SCN1A: variants seen among roughly 807,000 people sequenced by gnomAD.
SCN1A encodes sodium voltage-gated channel alpha subunit 1.
A neutral mutation model predicts 193.7 loss-of-function variants in SCN1A; 13 were observed. The ratio of observed to expected loss-of-function variants is 0.07; its 90% CI spans 0.04 to 0.11. The LOEUF (loss-of-function observed/expected upper bound fraction) is 0.11, where lower values mean the gene tolerates loss of function less well. SCN1A is among the 10% of genes least tolerant of loss of function. The pLI is 1.00. For synonymous variants in SCN1A, 781 were observed against 843.6 expected, an observed-to-expected ratio of 0.93 and a Z score of 1.29; for missense variants, 1,432 against 2,451.1, an observed-to-expected ratio of 0.58 and a Z score of 8.78.
intron 21 of SCN1A, among the ~76,000 whole-genome samples, 190 bp downstream of exon 21, chr2:166,013,554 A>G (rs974338142): frequency 2.6e-4 from 39 of 151,564 alleles, no homozygotes; most frequent in Non-Finnish European, 8.9e-5. Flanking sequence ...GCTTCTTAAA[A>G]TTATATTTAC....
chr2:166,020,189 C>G (rs1181949555), intron 19 of SCN1A, among the ~76,000 whole-genome samples: 2 of 152,118 alleles, frequency 1.3e-5, no homozygotes, highest in African/African-American at 4.8e-5. Context: ...GGATTACAGG[C>G]GTGATCCACC....
upstream of SCN1A, among the ~76,000 whole-genome samples, chr2:166,129,129 T>G (rs1241182922): frequency 2.6e-5 from 4 of 152,146 alleles, no homozygotes; most frequent in Non-Finnish European, 5.9e-5. Context: ...AGATAAATAC[T>G]ATTAATGTTA....
intron 27 of SCN1A, 51 bp downstream of exon 27, chr2:165,995,962 T>C (rs369900982): frequency 2.8e-5 from 34 of 1,219,610 alleles, no homozygotes; most frequent in East Asian, 2.1e-4. Flanking sequence ...GAGACAAGCA[T>C]GCAAGTTTTT....
chr2:166,012,612 C>CTTTTTTT (rs60890420), intron 21 of SCN1A, among the ~76,000 whole-genome samples: 139 of 77,212 alleles, frequency 1.8e-3, no homozygotes, highest in African/African-American at 3.4e-3. Flanking sequence ...CTTCTATTGG[C>CTTTTTTT]TTTTTTTTTT....
At chr2:165,998,237 G>T in intron 25 of SCN1A, 62 bp from the exon 26 acceptor site, 1 of 1,393,356 alleles carries the variant, frequency 7.2e-7, no homozygotes, top group Non-Finnish European at 1.0e-6. Context: ...AATGTCACTG[G>T]TGCTTTTTCA....
chr2:166,052,022 A>C lies in SCN1A; in HGVS notation c.695-34T>G, dbSNP rs756657915. ...AAGAAGTCTATTACTATGAAGACTT[A>C]ACACGTGTGAAATAATAAAAGCTTC... On this transcript the variant is annotated intron_variant, in intron 8 of 28. Transcript: ENST00000674923. The C allele has an allele frequency of 7.0e-6, 11 of 1,569,512 alleles. No individual in the cohort carries two copies. The South Asian group carries it at 1.3e-4, about 18-fold the overall frequency.
intron 19 of SCN1A, among the ~76,000 whole-genome samples, chr2:166,031,607 G>A (rs967026781): frequency 6.6e-6 from 1 of 151,968 alleles, no homozygotes; most frequent in Non-Finnish European, 1.5e-5. Context: ...ATTACAGAGG[G>A]CAAAAGGCAA....
chr2:166,066,017 G>A (rs2105947997), intron 4 of SCN1A, among the ~76,000 whole-genome samples: 1 of 152,140 alleles, frequency 6.6e-6, no homozygotes, highest in East Asian at 1.9e-4. Flanking sequence ...ACACAAAAGA[G>A]AAGAATTTGT....
intron 9 of SCN1A, among the ~76,000 whole-genome samples, chr2:166,049,305 A>T (rs931982396): frequency 1.3e-5 from 2 of 152,024 alleles, no homozygotes; most frequent in African/African-American, 4.8e-5. Flanking sequence ...CACCATTCTC[A>T]CGAAAAAAAT....
At chr2:165,999,463 A>C (rs1690525915) in intron 25 of SCN1A, among the ~76,000 whole-genome samples, 1 of 151,588 alleles carries the variant, frequency 6.6e-6, no homozygotes, top group Admixed American at 6.6e-5. Context: ...CAAAATAGAA[A>C]ATATTTAAAA....
At chr2:166,038,992 C>T (rs6761757) in intron 17 of SCN1A, among the ~76,000 whole-genome samples, 112,175 of 152,096 alleles carry the variant, frequency 0.74, 41,762 homozygotes, top group East Asian at 0.89. Context: ...CTTTGACTTT[C>T]GCAAGATGCA....
chr2:166,124,993 T>A (rs1691073498), intron 2 of SCN1A, among the ~76,000 whole-genome samples: 1 of 152,220 alleles, frequency 6.6e-6, no homozygotes. Flanking sequence ...AATCTAGGAA[T>A]GTGGACAAAA....
At chr2:166,082,701 T>C (rs1685664753) in intron 2 of SCN1A, among the ~76,000 whole-genome samples, 1 of 152,078 alleles carries the variant, frequency 6.6e-6, no homozygotes, top group Admixed American at 6.6e-5. Flanking sequence ...ACTGGATTAT[T>C]TCTAGTTACT....
Position 166,009,982 on chromosome 2 carries a change from A to T in SCN1A, c.3880-141T>A, listed in dbSNP as rs190366016. 6.3e-3 allele frequency: 4,629 copies of T among 735,006 alleles called. 21 individuals carry two copies. The highest frequency in any genetic ancestry group is 8.8e-3 in the Non-Finnish European group (4,060 of 463,356). The allele number at this position is 735,006 out of a possible 1,614,324, so 45.5% of individuals were successfully genotyped here. ...GACATTTTCAGTAAACCTTTAAAAA[A>T]TTAAAGAAATAATTTCAGTTTGATG... On this transcript the variant is annotated intron_variant, in intron 22 of 28. Coordinates refer to ENST00000674923, the MANE Select transcript of SCN1A (RefSeq NM_001165963.4).
intron 4 of SCN1A, among the ~76,000 whole-genome samples, chr2:166,068,879 T>C (rs1194661874): frequency 6.6e-6 from 1 of 152,250 alleles, no homozygotes; most frequent in Non-Finnish European, 1.5e-5. Flanking sequence ...AAATGTCTCA[T>C]TCTATTTCCA....
chr2:166,089,614 G>A (rs1230033731), intron 2 of SCN1A, among the ~76,000 whole-genome samples: 1 of 152,014 alleles, frequency 6.6e-6, no homozygotes, highest in Admixed American at 6.6e-5. Context: ...AATTTCAGTG[G>A]AAGAATACAT....
chr2:166,041,181 T>C lies in SCN1A; in HGVS notation c.2415+50A>G, dbSNP rs1559208979. 2.2e-6 allele frequency: 3 copies of C among 1,342,866 alleles called. No individual in the cohort carries two copies. The Admixed American group carries it at 5.0e-5, about 23-fold the overall frequency. 83.2% of individuals were successfully genotyped at this position (1,342,866 alleles called of 1,614,324 possible). On this transcript the variant is annotated intron_variant, in intron 16 of 28. Coordinates refer to ENST00000674923, the MANE Select transcript of SCN1A (RefSeq NM_001165963.4). ...TACACAATTAAATGTAAACAGTTTT[T>C]CAAGCAGAAAATTTGAAGACTAAAC...
chr2:166,053,180 C>T (rs2105896262), intron 7 of SCN1A: 1 of 796,870 alleles, frequency 1.3e-6, no homozygotes, highest in South Asian at 1.5e-5. Flanking sequence ...ATTTATATTA[C>T]TTGCATGGGT....
At chr2:166,038,418 GCA>G (rs1696735671) in intron 17 of SCN1A, among the ~76,000 whole-genome samples, 1 of 151,250 alleles carries the variant, frequency 6.6e-6, no homozygotes, top group African/African-American at 2.4e-5. Context: ...TCGGCTCACT[GCA>G]ACCTCTGCCT....
Sources: gnomAD v4.1 joint callset for allele counts (sites outside exome capture counted in the v4.1 genomes callset) on GRCh38, gnomAD v4.1.1 for gene constraint, MANE v1.5 for transcripts, NCBI Gene and HGNC (gene_info 2026-07-23, HGNC 2026-07-21) for gene names.